The following CDKL2 variants were observed in gnomAD, a reference collection of about 807,000 sequenced individuals.
CDKL2 encodes cyclin-dependent kinase-like 2.
A neutral mutation model predicts 63.9 loss-of-function variants in CDKL2; 64 were observed. The ratio of observed to expected loss-of-function variants is 1.00; its 90% CI spans 0.82 to 1.23. The LOEUF is 1.23. Among genes scored for constraint, CDKL2 ranks in the 50% most tolerant of loss-of-function variants. The pLI, the probability that CDKL2 is intolerant of heterozygous loss-of-function variation, is 0.00. For synonymous variants in CDKL2, 211 were observed against 229.2 expected (o/e 0.92, Z 0.72); for missense variants, 656 against 668.0 (o/e 0.98, Z 0.20).
At chr4:75,622,047 AT>A (rs1214936399) in intron 2 of CDKL2, among the ~76,000 whole-genome samples, 3 of 152,182 alleles carry the variant, frequency 2.0e-5, no homozygotes, top group African/African-American at 7.2e-5. Flanking sequence ...AGATTTTTGC[AT>A]GTAAAAGTAC....
At chr4:75,583,132 G>C (rs1278134446) in intron 12 of CDKL2, among the ~76,000 whole-genome samples, 3 of 152,140 alleles carry the variant, frequency 2.0e-5, no homozygotes, top group Non-Finnish European at 4.4e-5. Context: ...AAAGAGCTAG[G>C]TAAATATAAA....
At chr4:75,591,984 T>A in intron 11 of CDKL2, 59 bp from the exon 12 acceptor site, 5 of 1,422,862 alleles carry the variant, frequency 3.5e-6, no homozygotes, top group Non-Finnish European at 4.8e-6. Flanking sequence ...AGTTTTTAGT[T>A]TTTCACATTC....
chr4:75,598,767 A>T (rs533514634), intron 7 of CDKL2, among the ~76,000 whole-genome samples: 1 of 152,310 alleles, frequency 6.6e-6, no homozygotes, highest in South Asian at 2.1e-4. Context: ...TGTCTTAAGA[A>T]AAATGCTTGC....
At chr4:75,619,866 C>A (rs557367853) in intron 2 of CDKL2, among the ~76,000 whole-genome samples, 2 of 152,218 alleles carry the variant, frequency 1.3e-5, no homozygotes, top group African/African-American at 4.8e-5. Flanking sequence ...AATATTTTTA[C>A]CTTAGCCTCA....
At chr4:75,618,131 C>A (rs1211536357) in intron 2 of CDKL2, among the ~76,000 whole-genome samples, 1 of 146,598 alleles carries the variant, frequency 6.8e-6, no homozygotes, top group Non-Finnish European at 1.5e-5. Context: ...CACAGACTAT[C>A]AGCTCCACAG....
chr4:75,606,228 TTC>T (rs201633442), intron 4 of CDKL2, among the ~76,000 whole-genome samples: 105 of 134,092 alleles, frequency 7.8e-4, no homozygotes, highest in East Asian at 2.3e-3. Flanking sequence ...TTTTTTTTTT[TTC>T]TTGAGACAGA....
rs1560584277 is a variant in CDKL2, at chr4:75,605,573, A to G, written c.604T>C (p.Phe202Leu). The change falls in exon 5 of 14, where the codon TTT becomes CTT. Residue 202 changes from phenylalanine to leucine, a missense_variant. Phe to Leu is a conservative substitution (Grantham distance 22). Transcript: ENST00000307465. ...VTEMFMGEPLFPGDSDIDQLY... is the reference protein window; with the variant it reads ...VTEMFMGEPLLPGDSDIDQLY... ...TGATCAATATCAGAATCTCCAGGAAATAGGGGTTCCCCCATGAACATTTCA... is the reference window on the plus strand; with the variant it reads ...TGATCAATATCAGAATCTCCAGGAAGTAGGGGTTCCCCCATGAACATTTCA... The G allele has an allele frequency of 6.2e-7, 1 of 1,613,718 alleles. No individual in the cohort carries two copies. Among genetic ancestry groups the G allele is most frequent in the South Asian group, 1.1e-5 (1 of 91,078 alleles).
intron 13 of CDKL2, among the ~76,000 whole-genome samples, chr4:75,579,965 G>C (rs1295789244): frequency 2.6e-5 from 4 of 152,120 alleles, no homozygotes; most frequent in African/African-American, 9.7e-5. Context: ...AAGGTTAACA[G>C]ATTAATTCCA....
rs756341383 is a variant in CDKL2, at chr4:75,597,024, T to C, written c.1233A>G (p.Ala411=). ...AAAGATTGTGTGTAAGTGGGGGAATTGCCACGCTTGGATTCCTTGTGTGGT... is the reference window on the plus strand; with the variant it reads ...AAAGATTGTGTGTAAGTGGGGGAATCGCCACGCTTGGATTCCTTGTGTGGT... The part of the protein sequence containing the change: ...SVDHTRNPSV[A]IPPLTHNLSA... The change falls in exon 9 of 14, where the codon GCA becomes GCG. Residue 411 remains alanine (A), a synonymous_variant. Transcript: ENST00000307465. 2 of 1,614,204 alleles carry C rather than the reference T, an allele frequency of 1.2e-6. No individual in the cohort carries two copies. Among genetic ancestry groups the C allele is most frequent in the South Asian group, 2.2e-5 (2 of 91,080 alleles).
At chr4:75,596,065 C>A (rs2148874731) in intron 10 of CDKL2, 182 bp downstream of exon 10, 1 of 391,768 alleles carries the variant, frequency 2.6e-6, no homozygotes, top group Non-Finnish European at 4.5e-6. Flanking sequence ...ACTCATAAAA[C>A]TTAAACTTTC....
intron 9 of CDKL2, 146 bp from the exon 10 acceptor site, chr4:75,596,486 G>T: frequency 3.3e-6 from 2 of 611,008 alleles, no homozygotes; most frequent in Non-Finnish European, 5.9e-6. Flanking sequence ...ACATAAATCT[G>T]GTGAAACATT....
At chr4:75,591,616 G>A (rs1560575313) in intron 12 of CDKL2, among the ~76,000 whole-genome samples, 2 of 151,968 alleles carry the variant, frequency 1.3e-5, no homozygotes, top group South Asian at 2.1e-4. Context: ...AAAGTATTAT[G>A]GGAAGTTAGG....
intron 1 of CDKL2, among the ~76,000 whole-genome samples, chr4:75,626,480 C>T (rs1410123014): frequency 2.0e-5 from 3 of 152,072 alleles, no homozygotes; most frequent in African/African-American, 7.2e-5. Flanking sequence ...TCCTGGCTAA[C>T]ACGGTGAAAC....
At chr4:75,592,612 CT>C (rs1358637274) in intron 10 of CDKL2, among the ~76,000 whole-genome samples, 1 of 152,212 alleles carries the variant, frequency 6.6e-6, no homozygotes, top group Non-Finnish European at 1.5e-5. Flanking sequence ...GGGCCTTACA[CT>C]TCCTAGGCTT....
chr4:75,595,976 A>AAG, intron 10 of CDKL2: 1 of 154,206 alleles, frequency 6.5e-6, no homozygotes, highest in Non-Finnish European at 1.2e-5. Context: ...AAGGAAGGAA[A>AAG]GAAGGAAGGA....
intron 2 of CDKL2, among the ~76,000 whole-genome samples, chr4:75,616,214 G>T (rs996044154): frequency 6.6e-6 from 1 of 151,682 alleles, no homozygotes; most frequent in African/African-American, 2.4e-5. Flanking sequence ...TGAAGTGGAG[G>T]GATAGCTTGA....
chr4:75,602,017 G>C (rs1393136404), intron 6 of CDKL2, among the ~76,000 whole-genome samples: 3 of 152,138 alleles, frequency 2.0e-5, no homozygotes, highest in African/African-American at 7.2e-5. Context: ...ATTCTCACTT[G>C]ATAGAATGAA....
chr4:75,607,392 A>T (rs1273882903), intron 3 of CDKL2, 31 bp from the exon 4 acceptor site: 1 of 1,564,414 alleles, frequency 6.4e-7, no homozygotes, highest in Non-Finnish European at 8.7e-7. Context: ...GACGGATGTT[A>T]AATAAAATTA....
In CDKL2 at chr4:75,605,471, CAA is replaced by C. The variant is rs1729382069; in HGVS notation, c.655+49_655+50del. On this transcript the variant is annotated intron_variant, in intron 5 of 13. Coordinates refer to ENST00000307465, the MANE Select transcript of CDKL2 (RefSeq NM_001330724.2). ...AAAATCACAAACACACAGGCACAAA[CAA>C]ATATGCAGAAAAATCTCTAAAATTT... 4 of 1,106,026 alleles carry C rather than the reference CAA, an allele frequency of 3.6e-6. No individual in the cohort carries two copies. In the African/African-American group the frequency reaches 6.3e-5, roughly 17 times the overall value. The allele number at this position is 1,106,026 out of a possible 1,614,324, so 68.5% of individuals were successfully genotyped here. A position where few individuals can be genotyped will look rare whatever the true frequency, so the allele number is the denominator to read the frequency against.
Sources: gnomAD v4.1 joint callset for allele counts (sites outside exome capture counted in the v4.1 genomes callset) on GRCh38, gnomAD v4.1.1 for gene constraint, MANE v1.5 for transcripts, NCBI Gene and HGNC (gene_info 2026-07-23, HGNC 2026-07-21) for gene names.